Variants in OSBPL10 observed in about 807,000 individuals in gnomAD.
OSBPL10 encodes oxysterol-binding protein-related protein 10.
A neutral mutation model predicts 81.7 loss-of-function variants in OSBPL10; 49 were observed. That is an observed-to-expected ratio of 0.60 (90% CI 0.48 to 0.76). The LOEUF (loss-of-function observed/expected upper bound fraction) is 0.76, where lower values mean the gene tolerates loss of function less well. Among genes scored for constraint, OSBPL10 ranks in the 30% least tolerant of loss-of-function variants. The pLI, the probability that OSBPL10 is intolerant of heterozygous loss-of-function variation, is 0.00. For synonymous variants in OSBPL10, 419 were observed against 383.6 expected (o/e 1.09, Z -1.08); for missense variants, 923 against 987.8 (o/e 0.93, Z 0.88).
chr3:32,077,414 T>C (rs1205392724), exon 1 of OSBPL10: 1 of 152,264 alleles, frequency 6.6e-6, no homozygotes, highest in African/African-American at 2.4e-5. Context: ...AAGTGGTGAA[T>C]TGGGAGCCAG....
chr3:31,688,279 TCTCTCACA>T (rs1292886043), intron 7 of OSBPL10, among the ~76,000 whole-genome samples: 19 of 77,780 alleles, frequency 2.4e-4, no homozygotes, highest in African/African-American at 6.4e-4. Context: ...TCTCTCTCTC[TCTCTCACA>T]CACACACACA....
At chr3:31,945,825 G>A (rs1238950976) in intron 1 of OSBPL10, among the ~76,000 whole-genome samples, 3 of 152,150 alleles carry the variant, frequency 2.0e-5, no homozygotes, top group African/African-American at 7.2e-5. Context: ...GGTCTGGTAC[G>A]AATAACGTAT....
chr3:31,989,250 C>A (rs1698987845), intron 2 of OSBPL10: 3 of 1,614,178 alleles, frequency 1.9e-6, no homozygotes, highest in Non-Finnish European at 2.5e-6. Context: ...TGGAGAACTA[C>A]AGGAACCTGC....
At chr3:31,917,323 C>A (rs1197607233) in intron 1 of OSBPL10, among the ~76,000 whole-genome samples, 2 of 152,114 alleles carry the variant, frequency 1.3e-5, no homozygotes, top group Non-Finnish European at 2.9e-5. Flanking sequence ...TAGTGAAAAG[C>A]TATTAACGAG....
chr3:31,713,319 C>A (rs1696326466), intron 6 of OSBPL10, among the ~76,000 whole-genome samples: 1 of 152,176 alleles, frequency 6.6e-6, no homozygotes, highest in Non-Finnish European at 1.5e-5. Context: ...ACCTCAGGGC[C>A]TTTGCACCTG....
At chr3:31,966,735 A>G (rs929783844) in intron 1 of OSBPL10, among the ~76,000 whole-genome samples, 2 of 151,156 alleles carry the variant, frequency 1.3e-5, no homozygotes, top group African/African-American at 4.9e-5. Flanking sequence ...TCTCACAACC[A>G]TAAGAAAACA....
intron 1 of OSBPL10, among the ~76,000 whole-genome samples, chr3:31,953,932 CAG>C (rs909182895): frequency 1.3e-5 from 2 of 152,162 alleles, no homozygotes; most frequent in Admixed American, 6.5e-5. Context: ...CTTTTTCCAT[CAG>C]AGAGTTCAGC....
At position 31,734,075 on chromosome 3, in the gene OSBPL10, T is replaced by A. The variant is rs1370330579; in HGVS notation, c.941-664A>T. 2.0e-5 allele frequency among the ~76,000 whole-genome samples: 3 copies of A among 152,190 alleles called. No homozygotes were observed. The East Asian group carries it at 5.8e-4, about 29-fold the overall frequency. On this transcript the variant is annotated intron_variant, in intron 5 of 11. Coordinates refer to ENST00000396556, the MANE Select transcript of OSBPL10 (RefSeq NM_017784.5). ...TCAGATTCTATCAAAAATAGGCTGCTCAAAATGTGGTTTGAATTCTAAGTG... is the reference window on the plus strand; with the variant it reads ...TCAGATTCTATCAAAAATAGGCTGCACAAAATGTGGTTTGAATTCTAAGTG...
At chr3:31,815,146 GCCC>G in intron 4 of OSBPL10, among the ~76,000 whole-genome samples, 1 of 21,996 alleles carries the variant, frequency 4.5e-5, no homozygotes. Flanking sequence ...ACAGAGAGAT[GCCC>G]TGCCAGCCCC....
chr3:31,783,146 T>TATATATACAC (rs1485968747), intron 4 of OSBPL10, among the ~76,000 whole-genome samples: 18 of 113,004 alleles, frequency 1.6e-4, no homozygotes, highest in African/African-American at 6.1e-4. Context: ...TATATATATA[T>TATATATACAC]ACACACACAC....
chr3:31,869,080 T>C (rs540805413), intron 3 of OSBPL10, among the ~76,000 whole-genome samples: 1 of 152,278 alleles, frequency 6.6e-6, no homozygotes, highest in Admixed American at 6.5e-5. Flanking sequence ...TTACTGAAAA[T>C]CAGCACCTGC....
At chr3:31,675,552 C>T (rs901675379) in intron 8 of OSBPL10, among the ~76,000 whole-genome samples, 13 of 152,186 alleles carry the variant, frequency 8.5e-5, no homozygotes, top group Non-Finnish European at 1.6e-4. Context: ...AACAGCACTG[C>T]AGCATGGCAC....
chr3:32,047,174 G>C (rs1027942070), intron 1 of OSBPL10, among the ~76,000 whole-genome samples: 5 of 152,050 alleles, frequency 3.3e-5, no homozygotes, highest in African/African-American at 1.2e-4. Flanking sequence ...ACAGGGTTTT[G>C]CCATGTTGCC....
intron 1 of OSBPL10, among the ~76,000 whole-genome samples, chr3:31,942,199 T>C (rs548778622): frequency 5.9e-5 from 9 of 151,958 alleles, no homozygotes; most frequent in Non-Finnish European, 1.3e-4. Context: ...GGCGTGAACC[T>C]GGGAGGCGGA....
At chr3:31,763,025 T>C (rs1698098804) in intron 4 of OSBPL10, among the ~76,000 whole-genome samples, 1 of 152,066 alleles carries the variant, frequency 6.6e-6, no homozygotes, top group Admixed American at 6.6e-5. Flanking sequence ...CAAGCTGGCC[T>C]ATCCACCCGC....
Position 31,965,709 on chromosome 3 carries a change from TA to T in OSBPL10, c.281+15189del, listed in dbSNP as rs1198503820. On this transcript the variant is annotated intron_variant, in intron 1 of 11. Coordinates refer to ENST00000396556, the MANE Select transcript of OSBPL10 (RefSeq NM_017784.5). ...TATATAAAATATATAATATATTATA[TA>T]AAATATATAATATAATATATATTAT... Among the ~76,000 whole-genome samples the T allele has an allele frequency of 1.3e-3, 86 of 67,012 alleles. 8 individuals carry two copies. The highest frequency in any genetic ancestry group is 1.6e-3 in the Non-Finnish European group (67 of 41,544). The allele number at this position is 67,012 out of a possible 152,430, so 44.0% of individuals were successfully genotyped here.
intron 1 of OSBPL10, among the ~76,000 whole-genome samples, chr3:31,940,404 G>A (rs1323540881): frequency 6.6e-6 from 1 of 152,256 alleles, no homozygotes; most frequent in African/African-American, 2.4e-5. Context: ...CAGCTGTAGA[G>A]AGGTGGGGTG....
intron 3 of OSBPL10, among the ~76,000 whole-genome samples, chr3:31,876,081 G>C (rs904056130): frequency 2.0e-5 from 3 of 151,896 alleles, no homozygotes; most frequent in South Asian, 4.2e-4. Context: ...ATCGGTGATG[G>C]CTACTAGATT....
intron 6 of OSBPL10, among the ~76,000 whole-genome samples, chr3:31,723,972 G>C (rs1696734868): frequency 6.6e-6 from 1 of 152,204 alleles, no homozygotes; most frequent in African/African-American, 2.4e-5. Flanking sequence ...AGGCAAGTGA[G>C]AAGGAAGCAA....
Sources: allele counts gnomAD v4.1 joint callset (sites outside exome capture counted in the v4.1 genomes callset), GRCh38; gene constraint gnomAD v4.1.1; transcripts MANE v1.5; gene names NCBI Gene and HGNC (gene_info 2026-07-23, HGNC 2026-07-21).